Variants in DPY19L2 observed in about 807,000 individuals in gnomAD.
DPY19L2 encodes probable C-mannosyltransferase DPY19L2.
In DPY19L2, 34 loss-of-function variants were observed where a neutral mutation model predicts 97.9. The observed-to-expected ratio is 0.35, with a 90% CI of 0.26 to 0.46. DPY19L2 has a LOEUF of 0.46. Among genes scored for constraint, DPY19L2 ranks in the 20% least tolerant of loss-of-function variants. The pLI is 1.00. For missense variants in DPY19L2, 623 were observed against 911.4 expected, an observed-to-expected ratio of 0.68 and a Z score of 4.07; for synonymous variants, 230 against 307.9, an observed-to-expected ratio of 0.75 and a Z score of 2.65.
At chr12:63,593,245 A>T (rs185128578) in intron 16 of DPY19L2, among the ~76,000 whole-genome samples, 3 of 152,186 alleles carry the variant, frequency 2.0e-5, no homozygotes, top group Admixed American at 2.0e-4. Context: ...TTCCTCAAAG[A>T]TCTAGAACTA....
chr12:63,593,103 C>T (rs373260469), intron 16 of DPY19L2, among the ~76,000 whole-genome samples: 1 of 151,880 alleles, frequency 6.6e-6, no homozygotes, highest in African/African-American at 2.4e-5. Context: ...CCATCTCACA[C>T]CAGTTAGAAT....
intron 11 of DPY19L2, among the ~76,000 whole-genome samples, chr12:63,613,424 A>G (rs1161422110): frequency 6.6e-6 from 1 of 152,160 alleles, no homozygotes; most frequent in Non-Finnish European, 1.5e-5. Flanking sequence ...TTCATTTTTG[A>G]AAAAACTCAG....
chr12:63,626,585 G>C, intron 6 of DPY19L2, 59 bp from the exon 7 acceptor site: 1 of 1,525,896 alleles, frequency 6.6e-7, no homozygotes, highest in Non-Finnish European at 8.8e-7. Context: ...AAAATACAGT[G>C]AGTTTTTCAC....
chr12:63,586,110 T>C lies in DPY19L2; in HGVS notation c.1581-2274A>G, dbSNP rs564449407. ...ATAAGAGAACAACAACACACACACA[T>C]CACCCCTCCAAACCTTATGAATTTC... On this transcript the variant is annotated intron_variant, in intron 16 of 21. Coordinates refer to ENST00000324472, the MANE Select transcript of DPY19L2 (RefSeq NM_173812.5). Among the ~76,000 whole-genome samples the C allele has an allele frequency of 2.1e-4, 32 of 152,046 alleles. 1 individual carries two copies. The highest frequency in any genetic ancestry group is 3.4e-4 in the Non-Finnish European group (23 of 68,006).
intron 6 of DPY19L2, among the ~76,000 whole-genome samples, chr12:63,641,876 T>C (rs1892750623): frequency 6.6e-6 from 1 of 152,180 alleles, no homozygotes; most frequent in Non-Finnish European, 1.5e-5. Context: ...TCAGATAATG[T>C]ACACTGTTTA....
intron 4 of DPY19L2, among the ~76,000 whole-genome samples, chr12:63,648,941 G>A (rs1893804607): frequency 1.3e-5 from 2 of 151,964 alleles, no homozygotes; most frequent in Non-Finnish European, 2.9e-5. Context: ...TAATGAGCAT[G>A]CTTAAAACAA....
intron 6 of DPY19L2, among the ~76,000 whole-genome samples, chr12:63,639,243 T>A (rs1444354479): frequency 6.6e-6 from 1 of 152,078 alleles, no homozygotes; most frequent in Admixed American, 6.6e-5. Flanking sequence ...CCTAAAACCA[T>A]AAAAACCCTA....
intron 16 of DPY19L2, among the ~76,000 whole-genome samples, chr12:63,585,765 A>G (rs1881688756): frequency 1.3e-5 from 2 of 152,160 alleles, no homozygotes; most frequent in Admixed American, 1.3e-4. Context: ...CAAAATAAAT[A>G]AGCAAAAAGC....
chr12:63,629,120 A>C (rs1286717906), intron 6 of DPY19L2, among the ~76,000 whole-genome samples: 1 of 152,110 alleles, frequency 6.6e-6, no homozygotes, highest in Non-Finnish European at 1.5e-5. Context: ...TGGGGAAAAA[A>C]CAGAGCAGAA....
At chr12:63,663,448 G>A (rs186973519) in intron 3 of DPY19L2, among the ~76,000 whole-genome samples, 1 of 152,198 alleles carries the variant, frequency 6.6e-6, no homozygotes, top group East Asian at 1.9e-4. Context: ...CCAAAGAGAA[G>A]GCAATTTCTG....
intron 6 of DPY19L2, among the ~76,000 whole-genome samples, chr12:63,628,211 AAGTGGGTGCAGGAC>A (rs1379027333): frequency 6.6e-6 from 1 of 152,154 alleles, no homozygotes; most frequent in Non-Finnish European, 1.5e-5. Flanking sequence ...GATTGTCAGA[AAGTGGGTGCAGGAC>A]AGTGGGTGCA....
intron 4 of DPY19L2, among the ~76,000 whole-genome samples, chr12:63,655,365 G>A (rs139226241): frequency 2.0e-5 from 3 of 152,264 alleles, no homozygotes; most frequent in Non-Finnish European, 2.9e-5. Context: ...TTGTGCTTAC[G>A]TTGTATCCAT....
At chr12:63,634,966 AACAG>A (rs1038536360) in intron 6 of DPY19L2, among the ~76,000 whole-genome samples, 3 of 152,190 alleles carry the variant, frequency 2.0e-5, no homozygotes, top group African/African-American at 7.2e-5. Context: ...GAGATCTAAC[AACAG>A]ACAGACTGCC....
At chr12:63,635,492 C>G (rs556609165) in intron 6 of DPY19L2, among the ~76,000 whole-genome samples, 3 of 152,190 alleles carry the variant, frequency 2.0e-5, no homozygotes, top group African/African-American at 7.2e-5. Flanking sequence ...CTTCTCCAAG[C>G]TAAAGGAGGG....
chr12:63,580,514 CAA>C (rs1467484140), intron 19 of DPY19L2, 146 bp downstream of exon 19: 1 of 834,668 alleles, frequency 1.2e-6, no homozygotes, highest in Non-Finnish European at 1.7e-6. Flanking sequence ...ATAGTCTGCT[CAA>C]AGTCTGTGAG....
chr12:63,578,160 A>G (rs563752776), intron 19 of DPY19L2, among the ~76,000 whole-genome samples: 15 of 152,254 alleles, frequency 9.9e-5, no homozygotes, highest in African/African-American at 3.6e-4. Flanking sequence ...GATCCTATCC[A>G]TAACATGGAT....
At chr12:63,644,568 G>A in intron 5 of DPY19L2, 72 bp from the exon 6 acceptor site, 1 of 1,558,528 alleles carries the variant, frequency 6.4e-7, no homozygotes. Flanking sequence ...AATTATCTCA[G>A]TGCTTTGCAA....
At chr12:63,657,490 G>A (rs1895118103) in intron 4 of DPY19L2, among the ~76,000 whole-genome samples, 1 of 152,068 alleles carries the variant, frequency 6.6e-6, no homozygotes, top group Admixed American at 6.5e-5. Flanking sequence ...CTGTGAATTT[G>A]GGATTTGGGG....
At chr12:63,572,828 C>T (rs1261216258) in intron 19 of DPY19L2, among the ~76,000 whole-genome samples, 1 of 152,054 alleles carries the variant, frequency 6.6e-6, no homozygotes, top group Non-Finnish European at 1.5e-5. Context: ...TATCCAAGAC[C>T]ACCAAGGTAG....
Sources: gnomAD v4.1 joint callset for allele counts (sites outside exome capture counted in the v4.1 genomes callset) on GRCh38, gnomAD v4.1.1 for gene constraint, MANE v1.5 for transcripts, NCBI Gene and HGNC (gene_info 2026-07-23, HGNC 2026-07-21) for gene names.